BICC1: variants seen among roughly 807,000 people sequenced by gnomAD.
The protein encoded by BICC1 is protein bicaudal C homolog 1.
A neutral mutation model predicts 111.0 loss-of-function variants in BICC1; 43 were observed. That is an observed-to-expected ratio of 0.39 (90% confidence interval 0.30 to 0.50). The LOEUF (loss-of-function observed/expected upper bound fraction) is 0.50. BICC1 is among the 20% of genes least tolerant of loss of function. The pLI, the probability that BICC1 is intolerant of heterozygous loss-of-function variation, is 0.88. For missense variants in BICC1, 1,091 were observed against 1,203.2 expected, an observed-to-expected ratio of 0.91 and a Z score of 1.38; for synonymous variants, 467 against 434.4, an observed-to-expected ratio of 1.07 and a Z score of -0.93.
At chr10:58,536,203 T>C (rs961022051) in intron 1 of BICC1, among the ~76,000 whole-genome samples, 2 of 151,446 alleles carry the variant, frequency 1.3e-5, no homozygotes, top group Admixed American at 6.6e-5. Context: ...TACTGGACTC[T>C]AGAACAAACT....
intron 3 of BICC1, among the ~76,000 whole-genome samples, chr10:58,731,070 CAT>C (rs1454167113): frequency 6.6e-6 from 1 of 152,158 alleles, no homozygotes; most frequent in Non-Finnish European, 1.5e-5. Context: ...TGCATATGAG[CAT>C]ATGTTATTAG....
rs569133598 is a variant in BICC1, at chr10:58,704,279, A to G, written c.307+2136A>G. Among the ~76,000 whole-genome samples the G allele has an allele frequency of 7.2e-5, 11 of 152,286 alleles. 1 individual carries two copies. In the East Asian group the frequency reaches 2.1e-3, roughly 29 times the overall value. ...TATTTTGTATTATTTATGAAGTGTT[A>G]TGGATGTATATAGTACTATATGATG... On this transcript the variant is annotated intron_variant, in intron 3 of 20. Transcript: ENST00000373886.
chr10:58,733,048 A>C (rs1362895348), intron 3 of BICC1, among the ~76,000 whole-genome samples: 1 of 152,300 alleles, frequency 6.6e-6, no homozygotes, highest in East Asian at 1.9e-4. Context: ...CAAACAAAAA[A>C]TACAGTATCT....
chr10:58,548,336 T>G (rs551747391), intron 1 of BICC1, among the ~76,000 whole-genome samples: 1 of 152,340 alleles, frequency 6.6e-6, no homozygotes, highest in Admixed American at 6.5e-5. Context: ...ACAGAGCTTA[T>G]GCACAGTGCC....
At chr10:58,535,357 A>G (rs1447564543) in intron 1 of BICC1, among the ~76,000 whole-genome samples, 4 of 150,888 alleles carry the variant, frequency 2.7e-5, no homozygotes. Flanking sequence ...GTAACCTATT[A>G]AGGAAAACCT....
chr10:58,704,543 G>A (rs1840334944), intron 3 of BICC1, among the ~76,000 whole-genome samples: 1 of 152,182 alleles, frequency 6.6e-6, no homozygotes, highest in Non-Finnish European at 1.5e-5. Flanking sequence ...AAAATGGCAG[G>A]AAGAATGTTA....
chr10:58,789,893 G>A lies in BICC1; in HGVS notation c.1007G>A (p.Gly336Asp). Reference sequence around the variant, plus strand: ...AAGAAATCTACCGTCTACCTCCAGGGCACCATTGAGTCTGTCTGTCTTGCA... The same window carrying A: ...AAGAAATCTACCGTCTACCTCCAGGACACCATTGAGTCTGTCTGTCTTGCA... ...PQKKSTVYLQ[G>D]TIESVCLARQ... The change falls in exon 8 of 21, where the codon GGC becomes GAC. Residue 336 changes from glycine to aspartate, a missense_variant. Transcript: ENST00000373886. 1.2e-6 allele frequency: 2 copies of A among 1,614,092 alleles called. No individual in the cohort carries two copies. Among genetic ancestry groups the A allele is most frequent in the Non-Finnish European group, 1.7e-6 (2 of 1,180,016 alleles).
chr10:58,609,987 G>A (rs1588924387), intron 1 of BICC1, among the ~76,000 whole-genome samples: 1 of 152,310 alleles, frequency 6.6e-6, no homozygotes, highest in East Asian at 1.9e-4. Flanking sequence ...CAAGGCATTG[G>A]ACATGACCAA....
chr10:58,549,193 A>G (rs776782524), intron 1 of BICC1, among the ~76,000 whole-genome samples: 4 of 152,004 alleles, frequency 2.6e-5, no homozygotes, highest in Non-Finnish European at 5.9e-5. Flanking sequence ...ATGGATGACA[A>G]CAGTTCGTTT....
chr10:58,629,633 TCA>T (rs1429238373), intron 2 of BICC1, among the ~76,000 whole-genome samples: 1 of 152,218 alleles, frequency 6.6e-6, no homozygotes, highest in African/African-American at 2.4e-5. Flanking sequence ...AGATTCAGAA[TCA>T]CACTAAGGTT....
intron 3 of BICC1, among the ~76,000 whole-genome samples, chr10:58,754,474 AT>A (rs1194497606): frequency 1.3e-5 from 2 of 152,244 alleles, no homozygotes; most frequent in Non-Finnish European, 2.9e-5. Context: ...TTGGTAGCAC[AT>A]TATTAAGAAA....
intron 18 of BICC1, 115 bp downstream of exon 18, chr10:58,814,101 C>T (rs1482230029): frequency 1.7e-6 from 2 of 1,178,666 alleles, no homozygotes; most frequent in Non-Finnish European, 2.5e-6. Flanking sequence ...GTGTAATTCA[C>T]ATGCCATCTC....
At chr10:58,617,626 T>C (rs1291190983) in intron 1 of BICC1, among the ~76,000 whole-genome samples, 1 of 152,258 alleles carries the variant, frequency 6.6e-6, no homozygotes, top group African/African-American at 2.4e-5. Context: ...AAGTAGCTAA[T>C]GGGCTGAAAT....
intron 2 of BICC1, among the ~76,000 whole-genome samples, chr10:58,625,844 A>G (rs985782932): frequency 1.1e-4 from 16 of 152,192 alleles, no homozygotes; most frequent in African/African-American, 3.1e-4. Context: ...GAGGGGCAGC[A>G]GAGTTAATAA....
chr10:58,781,309 C>G (rs1006773977), intron 3 of BICC1, among the ~76,000 whole-genome samples: 5 of 152,314 alleles, frequency 3.3e-5, no homozygotes, highest in East Asian at 3.9e-4. Flanking sequence ...CATCTCCTCT[C>G]TCTGTATTTA....
chr10:58,604,981 G>A (rs539328971), intron 1 of BICC1, among the ~76,000 whole-genome samples: 70 of 152,216 alleles, frequency 4.6e-4, no homozygotes, highest in Non-Finnish European at 9.0e-4. Context: ...TCTTATGAGG[G>A]TGCTAATCCC....
chr10:58,513,831 G>T (rs1842167618), intron 1 of BICC1, among the ~76,000 whole-genome samples: 1 of 152,208 alleles, frequency 6.6e-6, no homozygotes, highest in Non-Finnish European at 1.5e-5. Flanking sequence ...AGATGTCAAG[G>T]CTTAAGACAG....
chr10:58,609,400 A>T (rs1271286625), intron 1 of BICC1, among the ~76,000 whole-genome samples: 1 of 152,144 alleles, frequency 6.6e-6, no homozygotes, highest in African/African-American at 2.4e-5. Context: ...TCTACTTGAA[A>T]CTTTTCAATC....
At chr10:58,750,801 A>G (rs967465296) in intron 3 of BICC1, among the ~76,000 whole-genome samples, 4 of 152,160 alleles carry the variant, frequency 2.6e-5, no homozygotes, top group Admixed American at 1.3e-4. Flanking sequence ...TTGTGACTTA[A>G]TGTTCCAGAA....
Sources: allele counts gnomAD v4.1 joint callset (sites outside exome capture counted in the v4.1 genomes callset), GRCh38; gene constraint gnomAD v4.1.1; transcripts MANE v1.5; gene names NCBI Gene and HGNC (gene_info 2026-07-23, HGNC 2026-07-21).